The following HIVEP3 variants were observed in gnomAD, a reference collection of about 807,000 sequenced individuals.
HIVEP3 encodes HIVEP zinc finger 3.
HIVEP3 carries 49 observed loss-of-function variants against 152.8 expected under a neutral mutation model. The observed-to-expected ratio is 0.32, with a 90% CI of 0.26 to 0.41. The LOEUF is 0.41. HIVEP3 is among the 10% of genes least tolerant of loss of function. HIVEP3 has a pLI of 1.00. For missense variants in HIVEP3, 2,790 were observed against 3,103.3 expected (o/e 0.90, Z 2.40); for synonymous variants, 1,269 against 1,289.0 (o/e 0.98, Z 0.33).
At chr1:41,687,398 A>C (rs1646130035) in intron 2 of HIVEP3, among the ~76,000 whole-genome samples, 1 of 152,234 alleles carries the variant, frequency 6.6e-6, no homozygotes, top group Non-Finnish European at 1.5e-5. Flanking sequence ...CTGCAACTCC[A>C]GCCTATGTGC....
chr1:41,681,735 C>G (rs1218915398), intron 2 of HIVEP3, among the ~76,000 whole-genome samples: 1 of 152,210 alleles, frequency 6.6e-6, no homozygotes, highest in African/African-American at 2.4e-5. Context: ...CTGGTGGCAC[C>G]TGAGGGAGGA....
At chr1:41,782,442 G>A (rs1570527020) in intron 1 of HIVEP3, among the ~76,000 whole-genome samples, 2 of 152,140 alleles carry the variant, frequency 1.3e-5, no homozygotes, top group South Asian at 4.1e-4. Context: ...GCTTAAAAAT[G>A]GCTAAATGGG....
At chr1:42,027,228 T>C (rs1427276437) in intron 1 of HIVEP3, among the ~76,000 whole-genome samples, 1 of 152,246 alleles carries the variant, frequency 6.6e-6, no homozygotes, top group African/African-American at 2.4e-5. Flanking sequence ...TGGCAAATTC[T>C]GTCAATGCTA....
chr1:41,889,116 A>C (rs111860091), intron 1 of HIVEP3, among the ~76,000 whole-genome samples: 6,789 of 141,458 alleles, frequency 0.048, 511 homozygotes, highest in African/African-American at 0.17. Context: ...AACACACACA[A>C]GCACCACACA....
At chr1:41,812,088 ATC>A (rs1650992768) in intron 1 of HIVEP3, among the ~76,000 whole-genome samples, 1 of 152,204 alleles carries the variant, frequency 6.6e-6, no homozygotes, top group African/African-American at 2.4e-5. Context: ...CAGGTCATTA[ATC>A]TCTCTGCTGC....
intron 1 of HIVEP3, among the ~76,000 whole-genome samples, chr1:41,909,048 G>T (rs1316526143): frequency 1.3e-5 from 2 of 152,118 alleles, no homozygotes; most frequent in African/African-American, 2.4e-5. Context: ...TATTCTCAAA[G>T]GAGACACTCT....
chr1:41,759,279 A>G (rs1283913432), intron 1 of HIVEP3, among the ~76,000 whole-genome samples: 1 of 152,066 alleles, frequency 6.6e-6, no homozygotes, highest in African/African-American at 2.4e-5. Flanking sequence ...CACACAATAT[A>G]TGGCCTTTTG....
intron 5 of HIVEP3, among the ~76,000 whole-genome samples, chr1:41,545,373 A>G (rs1569850868): frequency 1.7e-4 from 1 of 5,914 alleles, no homozygotes; most frequent in African/African-American, 3.3e-4. Flanking sequence ...CACCACCACC[A>G]CCACTACCAC....
chr1:41,586,184 C>G (rs1204703762), intron 3 of HIVEP3, among the ~76,000 whole-genome samples: 11 of 152,176 alleles, frequency 7.2e-5, no homozygotes, highest in Admixed American at 7.2e-4. Flanking sequence ...AGTGGAGGAG[C>G]AAAGTTGGTC....
rs370484637 is a variant in HIVEP3, at chr1:41,550,357, G to A, written c.5207+25187C>T. Among the ~76,000 whole-genome samples the A allele has an allele frequency of 1.6e-4, 24 of 152,244 alleles. No homozygotes were observed. In the East Asian group the frequency reaches 2.1e-3, roughly 13 times the overall value. On this transcript the variant is annotated intron_variant, in intron 5 of 8. Coordinates refer to ENST00000372583, the MANE Select transcript of HIVEP3 (RefSeq NM_024503.5). Reference sequence around the variant, plus strand: ...TTGCTTAGGATTGACTTGGCAGTGCGGGCTTTTTTTTGGTTCTATATGAAC... The same window carrying A: ...TTGCTTAGGATTGACTTGGCAGTGCAGGCTTTTTTTTGGTTCTATATGAAC...
At chr1:41,681,878 T>C (rs1032805023) in intron 2 of HIVEP3, among the ~76,000 whole-genome samples, 1 of 152,186 alleles carries the variant, frequency 6.6e-6, no homozygotes, top group African/African-American at 2.4e-5. Context: ...CAAATTCCGA[T>C]TCATTTACAA....
intron 1 of HIVEP3, among the ~76,000 whole-genome samples, chr1:41,720,892 G>A (rs1176402624): frequency 6.6e-6 from 1 of 152,236 alleles, no homozygotes; most frequent in Admixed American, 6.5e-5. Context: ...CCTGCAATAT[G>A]TGACAGCATG....
intron 1 of HIVEP3, among the ~76,000 whole-genome samples, chr1:41,844,859 C>G (rs1391418404): frequency 6.6e-6 from 1 of 152,208 alleles, no homozygotes; most frequent in Non-Finnish European, 1.5e-5. Flanking sequence ...CAGCACTATA[C>G]CTAGAACACA....
chr1:41,930,370 G>A (rs1179464132), intron 1 of HIVEP3, among the ~76,000 whole-genome samples: 1 of 152,140 alleles, frequency 6.6e-6, no homozygotes, highest in Non-Finnish European at 1.5e-5. Context: ...CTATGGAATA[G>A]TAAAATATGA....
intron 2 of HIVEP3, among the ~76,000 whole-genome samples, chr1:41,668,430 G>C (rs1008573735): frequency 5.9e-5 from 9 of 152,228 alleles, no homozygotes; most frequent in Non-Finnish European, 1.0e-4. Context: ...CTCAGGCTCT[G>C]CTCCCACTGC....
chr1:41,999,650 G>A (rs981248788), intron 1 of HIVEP3, among the ~76,000 whole-genome samples: 2 of 152,156 alleles, frequency 1.3e-5, no homozygotes, highest in Admixed American at 1.3e-4. Context: ...GATCTGAGCA[G>A]CAAGATCAAA....
At chr1:41,883,742 G>A (rs1298949282) in intron 1 of HIVEP3, among the ~76,000 whole-genome samples, 1 of 152,136 alleles carries the variant, frequency 6.6e-6, no homozygotes, top group African/African-American at 2.4e-5. Flanking sequence ...CAGCTCTGCA[G>A]GTTATTTCTC....
chr1:41,544,611 ACCG>A (rs1205850349), intron 5 of HIVEP3, among the ~76,000 whole-genome samples: 10 of 149,646 alleles, frequency 6.7e-5, no homozygotes, highest in African/African-American at 2.0e-4. Flanking sequence ...CACCACCATC[ACCG>A]CCACCACTAT....
intron 1 of HIVEP3, among the ~76,000 whole-genome samples, chr1:41,942,394 C>A (rs906494976): frequency 6.6e-6 from 1 of 152,190 alleles, no homozygotes; most frequent in African/African-American, 2.4e-5. Flanking sequence ...TCTATGGATG[C>A]AAATTAGAAC....
Sources: gnomAD v4.1 joint callset for allele counts (sites outside exome capture counted in the v4.1 genomes callset) on GRCh38, gnomAD v4.1.1 for gene constraint, MANE v1.5 for transcripts, NCBI Gene and HGNC (gene_info 2026-07-23, HGNC 2026-07-21) for gene names.